The following MALRD1 variants were observed in gnomAD, a reference collection of about 807,000 sequenced individuals.
MALRD1 encodes the protein MAM and LDL-receptor class A domain-containing protein 1.
Under a neutral mutation model 242.1 loss-of-function variants are expected in MALRD1, and 247 were observed. The observed-to-expected ratio is 1.02, with a 90% CI of 0.92 to 1.13. The LOEUF is 1.13. MALRD1 is among the 50% of genes most tolerant of loss of function. The pLI is 0.00. For missense variants in MALRD1, 2,989 were observed against 2,533.1 expected (o/e 1.18, Z -3.86); for synonymous variants, 995 against 866.6 (o/e 1.15, Z -2.60).
intron 28 of MALRD1, among the ~76,000 whole-genome samples, chr10:19,443,464 A>G (rs1164713960): frequency 6.6e-6 from 1 of 152,190 alleles, no homozygotes; most frequent in East Asian, 1.9e-4. Context: ...ATTTAGTGCT[A>G]TAAATTTCCC....
intron 21 of MALRD1, among the ~76,000 whole-genome samples, chr10:19,296,765 G>C (rs940853536): frequency 6.6e-6 from 1 of 152,064 alleles, no homozygotes. Context: ...ATTATGCATT[G>C]TACAAATGTG....
At chr10:19,383,018 T>A (rs1845903227) in intron 26 of MALRD1, among the ~76,000 whole-genome samples, 1 of 152,112 alleles carries the variant, frequency 6.6e-6, no homozygotes, top group Non-Finnish European at 1.5e-5. Flanking sequence ...ACAGATACCA[T>A]GGACATTAAA....
intron 36 of MALRD1, among the ~76,000 whole-genome samples, chr10:19,685,060 G>A (rs1022232366): frequency 2.6e-5 from 4 of 151,986 alleles, no homozygotes; most frequent in Non-Finnish European, 4.4e-5. Flanking sequence ...TTTTTTCAAA[G>A]CACAGATACA....
intron 14 of MALRD1, among the ~76,000 whole-genome samples, chr10:19,178,897 G>A (rs1208984266): frequency 6.6e-6 from 1 of 152,192 alleles, no homozygotes; most frequent in Non-Finnish European, 1.5e-5. Flanking sequence ...TGAACGTAAA[G>A]TGCACACTAC....
intron 31 of MALRD1, among the ~76,000 whole-genome samples, chr10:19,501,317 A>G (rs1048323918): frequency 2.0e-5 from 3 of 152,174 alleles, no homozygotes; most frequent in Non-Finnish European, 2.9e-5. Context: ...TGCCAACTAG[A>G]TGTCGGAAGC....
At chr10:19,237,939 C>T (rs796317894) in intron 18 of MALRD1, among the ~76,000 whole-genome samples, 2,805 of 11,134 alleles carry the variant, frequency 0.25, 235 homozygotes, top group Middle Eastern at 0.5. Context: ...TAATTTTATA[C>T]AGTTATATAA....
chr10:19,448,517 CA>C (rs1301604609), intron 28 of MALRD1, among the ~76,000 whole-genome samples: 1 of 151,650 alleles, frequency 6.6e-6, no homozygotes. Flanking sequence ...CCTAGAATAA[CA>C]AAGAATAGTG....
At chr10:19,340,648 A>T (rs1377725660) in intron 24 of MALRD1, among the ~76,000 whole-genome samples, 1 of 152,156 alleles carries the variant, frequency 6.6e-6, no homozygotes, top group Non-Finnish European at 1.5e-5. Flanking sequence ...GAGGGGAAAG[A>T]ACATTTAATA....
intron 26 of MALRD1, among the ~76,000 whole-genome samples, chr10:19,383,922 G>A (rs1845944386): frequency 6.6e-6 from 1 of 151,972 alleles, no homozygotes; most frequent in South Asian, 2.1e-4. Flanking sequence ...GATATGGGAA[G>A]TGTGAGGTGT....
intron 10 of MALRD1, among the ~76,000 whole-genome samples, chr10:19,143,785 T>A (rs1247140416): frequency 6.6e-6 from 1 of 152,198 alleles, no homozygotes; most frequent in Non-Finnish European, 1.5e-5. Flanking sequence ...AATATTTCTA[T>A]ACTCCACCAA....
chr10:19,246,411 A>T (rs2131766874), intron 18 of MALRD1, among the ~76,000 whole-genome samples: 1 of 152,270 alleles, frequency 6.6e-6, no homozygotes, highest in South Asian at 2.1e-4. Context: ...GAGACACCAT[A>T]AGAGGCTGGC....
intron 21 of MALRD1, among the ~76,000 whole-genome samples, chr10:19,301,150 T>C (rs1049819075): frequency 2.0e-5 from 3 of 151,830 alleles, no homozygotes; most frequent in Non-Finnish European, 4.4e-5. Flanking sequence ...CAAATCAAAA[T>C]CACAGTGAGA....
chr10:19,513,609 G>C (rs1244328827), intron 31 of MALRD1, among the ~76,000 whole-genome samples: 1 of 151,838 alleles, frequency 6.6e-6, no homozygotes, highest in Non-Finnish European at 1.5e-5. Context: ...CGTGGTAGCG[G>C]GTGCCTGTAG....
chr10:19,396,293 C>T (rs1046348344), intron 28 of MALRD1, among the ~76,000 whole-genome samples: 3 of 151,844 alleles, frequency 2.0e-5, no homozygotes, highest in African/African-American at 4.8e-5. Flanking sequence ...CACGCCACCA[C>T]GCCTGGCTAA....
intron 38 of MALRD1, among the ~76,000 whole-genome samples, chr10:19,713,541 G>A (rs1834242193): frequency 6.6e-6 from 1 of 152,332 alleles, no homozygotes; most frequent in African/African-American, 2.4e-5. Flanking sequence ...TACATAGGTT[G>A]TCAACTTTTA....
At chr10:19,530,042 C>T (rs540844099) in intron 31 of MALRD1, among the ~76,000 whole-genome samples, 6 of 151,686 alleles carry the variant, frequency 4.0e-5, no homozygotes, top group East Asian at 3.9e-4. Flanking sequence ...ATTAACAAAC[C>T]GATTCTAAAG....
chr10:19,584,007 T>C (rs1461580625), intron 33 of MALRD1, among the ~76,000 whole-genome samples: 3 of 152,098 alleles, frequency 2.0e-5, no homozygotes, highest in Non-Finnish European at 4.4e-5. Context: ...CTAGTTTATT[T>C]GTGTAGAGGC....
At chr10:19,655,046 G>C (rs927206772) in intron 36 of MALRD1, among the ~76,000 whole-genome samples, 2 of 152,086 alleles carry the variant, frequency 1.3e-5, no homozygotes, top group Admixed American at 1.3e-4. Context: ...GATGCAATTT[G>C]TCAATACTTT....
In MALRD1 at chr10:19,567,651, C is replaced by T. The variant is rs1305057071; in HGVS notation, c.5628C>T (p.Asp1876=). ...AFEADLDGNE[D]IFIALDDISF... ...AAGCTGATTTGGATGGAAATGAGGACATCTTTATTGCTCTTGATGACATCT... is the reference window on the plus strand; with the variant it reads ...AAGCTGATTTGGATGGAAATGAGGATATCTTTATTGCTCTTGATGACATCT... The change falls in exon 33 of 40, where the codon GAC becomes GAT. Residue 1876 remains aspartate (D), a synonymous_variant. Coordinates refer to ENST00000454679, the MANE Select transcript of MALRD1 (RefSeq NM_001142308.3). 4 of 1,550,640 alleles carry T rather than the reference C, an allele frequency of 2.6e-6. No homozygotes were observed. In the East Asian group the frequency reaches 7.3e-5, roughly 28 times the overall value.
Sources: allele counts gnomAD v4.1 joint callset (sites outside exome capture counted in the v4.1 genomes callset), GRCh38; gene constraint gnomAD v4.1.1; transcripts MANE v1.5; gene names NCBI Gene and HGNC (gene_info 2026-07-23, HGNC 2026-07-21).